The following ZCCHC14 variants were observed in gnomAD, a reference collection of about 807,000 sequenced individuals.
ZCCHC14 encodes zinc finger CCHC-type containing 14, also known as zinc finger CCHC domain-containing protein 14.
In ZCCHC14, 16 loss-of-function variants were observed where a neutral mutation model predicts 85.0. The observed-to-expected ratio is 0.19, with a 90% CI of 0.13 to 0.29. The LOEUF is 0.29. ZCCHC14 is among the 10% of genes least tolerant of loss of function. The probability of loss-of-function intolerance (pLI) is 1.00; values close to 1 mark genes in which losing one functional copy is unlikely to be tolerated. For synonymous variants in ZCCHC14, 775 were observed against 630.7 expected, an observed-to-expected ratio of 1.23 and a Z score of -3.43; for missense variants, 1,303 against 1,443.5, an observed-to-expected ratio of 0.90 and a Z score of 1.58.
chr16:87,418,701 C>A, intron 7 of ZCCHC14, 146 bp downstream of exon 7: 1 of 865,580 alleles, frequency 1.2e-6, no homozygotes, highest in Non-Finnish European at 1.8e-6. Flanking sequence ...ATCGTAAATT[C>A]AATCATCTCT....
intron 12 of ZCCHC14, among the ~76,000 whole-genome samples, chr16:87,410,604 ACGTCAGG>A (rs1908386339): frequency 6.6e-6 from 1 of 152,244 alleles, no homozygotes; most frequent in South Asian, 2.1e-4. Context: ...GGCTCTGCAC[ACGTCAGG>A]CGGGCTGCTC....
chr16:87,417,142 G>A (rs1908829173), intron 8 of ZCCHC14, among the ~76,000 whole-genome samples: 1 of 152,164 alleles, frequency 6.6e-6, no homozygotes, highest in Non-Finnish European at 1.5e-5. Context: ...GTCTAAAAGG[G>A]GCACCGTGCC....
At chr16:87,465,247 T>A (rs1295472630) in intron 1 of ZCCHC14, among the ~76,000 whole-genome samples, 1 of 152,264 alleles carries the variant, frequency 6.6e-6, no homozygotes, top group Non-Finnish European at 1.5e-5. Flanking sequence ...TCACTGCTGT[T>A]CCTTTGCACT....
At chr16:87,485,601 A>AAG (rs1912478957) in intron 1 of ZCCHC14, among the ~76,000 whole-genome samples, 1 of 151,796 alleles carries the variant, frequency 6.6e-6, no homozygotes, top group Admixed American at 6.6e-5. Context: ...AAAAAAAAAA[A>AAG]AAAAAAGAAG....
chr16:87,438,389 C>T (rs1037917796), intron 2 of ZCCHC14, among the ~76,000 whole-genome samples: 1 of 152,186 alleles, frequency 6.6e-6, no homozygotes, highest in African/African-American at 2.4e-5. Context: ...AAACTATGAC[C>T]AATAAAAAGC....
At chr16:87,458,314 C>T (rs546314590) in intron 2 of ZCCHC14, among the ~76,000 whole-genome samples, 1 of 152,136 alleles carries the variant, frequency 6.6e-6, no homozygotes, top group Non-Finnish European at 1.5e-5. Flanking sequence ...GAGGGACTCC[C>T]TGCAATTCCG....
Position 87,444,868 on chromosome 16 carries a change from C to G in ZCCHC14, c.695-11667G>C, listed in dbSNP as rs140576229. On this transcript the variant is annotated intron_variant, in intron 2 of 12. Transcript: ENST00000671377. ...GGACAATGGCCGGAATGGGAGTAAG[C>G]CTGAGAATTAGAGGGTGGTGACATC... Among the ~76,000 whole-genome samples, 5 of 152,210 alleles carry G rather than the reference C, an allele frequency of 3.3e-5. No individual in the cohort carries two copies. The East Asian group carries it at 9.6e-4, about 29-fold the overall frequency.
At chr16:87,433,329 G>T in intron 2 of ZCCHC14, 128 bp from the exon 3 acceptor site, 1 of 839,288 alleles carries the variant, frequency 1.2e-6, no homozygotes, top group Non-Finnish European at 1.9e-6. Flanking sequence ...TGTCACTTTG[G>T]TGGCATCTCA....
At chr16:87,468,993 G>C (rs1401401878) in intron 1 of ZCCHC14, among the ~76,000 whole-genome samples, 1 of 152,216 alleles carries the variant, frequency 6.6e-6, no homozygotes, top group Admixed American at 6.5e-5. Context: ...AATACGGTCA[G>C]TTTAAAAAGC....
rs183310616 is a variant in ZCCHC14, at chr16:87,489,230, G to A, written c.570+2439C>T. The stretch of plus-strand genomic sequence containing the variant: ...GACACTAGGGATGTAGGGAAAACTA[G>A]AAACCACGGTTGTTTTGAAATACGG... On this transcript the variant is annotated intron_variant, in intron 1 of 12. Transcript: ENST00000671377. Among the ~76,000 whole-genome samples, 3 of 152,280 alleles carry A rather than the reference G, an allele frequency of 2.0e-5. 1 individual carries two copies. Among genetic ancestry groups the A allele is most frequent in the Admixed American group, 2.0e-4 (3 of 15,300 alleles).
intron 1 of ZCCHC14, among the ~76,000 whole-genome samples, chr16:87,481,529 GGGGGGGGGGGGGT>G (rs1567544328): frequency 8.8e-4 from 18 of 20,556 alleles, no homozygotes; most frequent in South Asian, 3.1e-3. Flanking sequence ...AGAGAAACGG[GGGGGGGGGGGGGT>G]GGGGGGGGGG....
chr16:87,434,512 T>A (rs566992601), intron 2 of ZCCHC14, among the ~76,000 whole-genome samples: 49 of 152,314 alleles, frequency 3.2e-4, no homozygotes, highest in African/African-American at 1.1e-3. Flanking sequence ...GTCTGCTAAT[T>A]TGTAGAATCT....
At chr16:87,425,082 G>C (rs546678216) in intron 3 of ZCCHC14, among the ~76,000 whole-genome samples, 60 of 152,194 alleles carry the variant, frequency 3.9e-4, no homozygotes, top group African/African-American at 1.3e-3. Context: ...ACTGAGGCCA[G>C]TCTCGTCACA....
At chr16:87,453,834 C>G (rs930161573) in intron 2 of ZCCHC14, among the ~76,000 whole-genome samples, 1 of 152,178 alleles carries the variant, frequency 6.6e-6, no homozygotes, top group South Asian at 2.1e-4. Flanking sequence ...TGGACACCAG[C>G]CCTAAGTGAC....
intron 8 of ZCCHC14, among the ~76,000 whole-genome samples, 179 bp downstream of exon 8, chr16:87,417,281 T>TG (rs1336041436): frequency 1.3e-5 from 2 of 152,216 alleles, no homozygotes; most frequent in African/African-American, 4.8e-5. Flanking sequence ...GTCCTGTTTG[T>TG]GGCTGGCTGC....
rs150539223 is a variant in ZCCHC14, at chr16:87,418,872, C to G, written c.1075G>C (p.Gly359Arg). Residue 359 changes from glycine to arginine, a missense_variant, in exon 7 of 13, where the codon GGT becomes CGT. Physicochemically the swap from Gly to Arg is moderately radical, Grantham distance 125. Coordinates refer to ENST00000671377, the MANE Select transcript of ZCCHC14 (RefSeq NM_015144.3). ...CTTCCAGACACGCCCATCACGGTAC[C>G]TACTTTAGAAAGGGAGGGATTGCCA... ...SPGNPSLSKVGTVMGVSGRPV... is the reference protein window; with the variant it reads ...SPGNPSLSKVRTVMGVSGRPV... The G allele has an allele frequency of 6.0e-5, 96 of 1,613,314 alleles. No homozygotes were observed. Among genetic ancestry groups the G allele is most frequent in the Non-Finnish European group, 7.4e-5 (87 of 1,179,510 alleles).
intron 2 of ZCCHC14, among the ~76,000 whole-genome samples, chr16:87,449,434 G>C (rs1910591195): frequency 6.6e-6 from 1 of 152,118 alleles, no homozygotes; most frequent in African/African-American, 2.4e-5. Context: ...CTCCATCCAT[G>C]ATCACGAGGG....
intron 2 of ZCCHC14, among the ~76,000 whole-genome samples, chr16:87,443,661 CAGG>C (rs991552112): frequency 1.3e-5 from 2 of 152,134 alleles, no homozygotes; most frequent in African/African-American, 4.8e-5. Context: ...CCCTTGAGCC[CAGG>C]AGTTCAAGGA....
intron 3 of ZCCHC14, among the ~76,000 whole-genome samples, chr16:87,426,091 G>A (rs1396506207): frequency 2.0e-5 from 3 of 152,270 alleles, no homozygotes; most frequent in East Asian, 1.9e-4. Flanking sequence ...AACAGAGACC[G>A]CACAGTCAGG....
Sources: allele counts gnomAD v4.1 joint callset (sites outside exome capture counted in the v4.1 genomes callset), GRCh38; gene constraint gnomAD v4.1.1; transcripts MANE v1.5; gene names NCBI Gene and HGNC (gene_info 2026-07-23, HGNC 2026-07-21).